The following DPYD variants were observed in gnomAD, a reference collection of about 807,000 sequenced individuals.
The protein encoded by DPYD is dihydropyrimidine dehydrogenase, also known as dihydropyrimidine dehydrogenase [NADP(+)].
DPYD carries 109 observed loss-of-function variants against 116.2 expected under a neutral mutation model. The observed-to-expected ratio is 0.94, with a 90% CI of 0.80 to 1.10. The LOEUF (loss-of-function observed/expected upper bound fraction) is 1.10. Among genes scored for constraint, DPYD ranks in the 50% least tolerant of loss-of-function variants. The pLI, the probability that DPYD is intolerant of heterozygous loss-of-function variation, is 0.00. For missense variants in DPYD, 1,302 were observed against 1,254.5 expected (o/e 1.04, Z -0.57); for synonymous variants, 440 against 432.0 (o/e 1.02, Z -0.23).
chr1:97,702,861 GCAAA>G (rs1661681417), intron 5 of DPYD, among the ~76,000 whole-genome samples: 1 of 151,548 alleles, frequency 6.6e-6, no homozygotes, highest in South Asian at 2.1e-4. Context: ...ATTATGAGAT[GCAAA>G]CATTGAATTA....
intron 14 of DPYD, among the ~76,000 whole-genome samples, chr1:97,392,176 TCA>T (rs1672743156): frequency 6.6e-6 from 1 of 152,010 alleles, no homozygotes; most frequent in African/African-American, 2.4e-5. Context: ...ATAAAGCAAG[TCA>T]CACAAATATT....
At chr1:97,112,927 T>C (rs1297736259) in intron 20 of DPYD, among the ~76,000 whole-genome samples, 1 of 152,148 alleles carries the variant, frequency 6.6e-6, no homozygotes, top group East Asian at 1.9e-4. Context: ...GTTGACTGTT[T>C]TTCTTTCAAT....
intron 16 of DPYD, among the ~76,000 whole-genome samples, chr1:97,354,814 T>C (rs1670341684): frequency 6.6e-6 from 1 of 152,236 alleles, no homozygotes; most frequent in African/African-American, 2.4e-5. Flanking sequence ...CATTCGTTCA[T>C]TCATTAATCT....
intron 19 of DPYD, among the ~76,000 whole-genome samples, chr1:97,196,624 T>C (rs958536410): frequency 3.3e-5 from 5 of 152,174 alleles, no homozygotes; most frequent in African/African-American, 1.2e-4. Flanking sequence ...CTTTTAAATA[T>C]ATTATCTTCT....
intron 20 of DPYD, among the ~76,000 whole-genome samples, chr1:97,172,952 A>C (rs1425172858): frequency 6.6e-6 from 1 of 152,106 alleles, no homozygotes; most frequent in Non-Finnish European, 1.5e-5. Context: ...CTGATGCCCT[A>C]GGTTGAGATG....
chr1:97,257,508 A>G (rs2027055), intron 18 of DPYD, among the ~76,000 whole-genome samples: 21,099 of 149,586 alleles, frequency 0.14, 1,914 homozygotes, highest in East Asian at 0.32. Flanking sequence ...CATATACCAT[A>G]TCTCTATATA....
At chr1:97,817,787 T>C (rs115583341) in intron 3 of DPYD, among the ~76,000 whole-genome samples, 48 of 152,234 alleles carry the variant, frequency 3.2e-4, no homozygotes, top group African/African-American at 1.1e-3. Context: ...TATGATAGTA[T>C]ATACACAACA....
chr1:97,769,531 G>C (rs532628737), intron 3 of DPYD, among the ~76,000 whole-genome samples: 6 of 152,026 alleles, frequency 3.9e-5, no homozygotes, highest in Non-Finnish European at 7.4e-5. Context: ...AAACAGTTTC[G>C]TTTCACTCTA....
intron 1 of DPYD, among the ~76,000 whole-genome samples, chr1:97,914,961 A>G (rs1381091198): frequency 1.3e-5 from 2 of 152,180 alleles, no homozygotes; most frequent in Non-Finnish European, 2.9e-5. Flanking sequence ...TGATTACTAG[A>G]GCAAAAACAA....
chr1:97,121,414 T>TTTTG (rs991057168), intron 20 of DPYD, among the ~76,000 whole-genome samples: 116 of 152,320 alleles, frequency 7.6e-4, no homozygotes, highest in African/African-American at 2.7e-3. Flanking sequence ...AATTTACTTA[T>TTTTG]TTTATTATCT....
chr1:97,369,378 C>A (rs549205362), intron 16 of DPYD, among the ~76,000 whole-genome samples: 159 of 152,230 alleles, frequency 1.0e-3, no homozygotes, highest in Admixed American at 1.4e-3. Flanking sequence ...ATAAAGACAA[C>A]TTTAGAGCCT....
intron 13 of DPYD, among the ~76,000 whole-genome samples, chr1:97,462,678 A>G (rs1346156340): frequency 6.6e-6 from 1 of 152,220 alleles, no homozygotes; most frequent in Non-Finnish European, 1.5e-5. Context: ...ATCACATAAC[A>G]GGCTCTGAAA....
intron 3 of DPYD, among the ~76,000 whole-genome samples, chr1:97,803,094 C>G (rs1667921878): frequency 6.6e-6 from 1 of 151,808 alleles, no homozygotes; most frequent in Non-Finnish European, 1.5e-5. Flanking sequence ...ATATTAAATA[C>G]TGTATAATTA....
At chr1:97,335,879 TCCC>T (rs1669261014) in intron 16 of DPYD, among the ~76,000 whole-genome samples, 1 of 152,114 alleles carries the variant, frequency 6.6e-6, no homozygotes, top group Admixed American at 6.6e-5. Flanking sequence ...TCCCCCTCCA[TCCC>T]AGTGTTTCAA....
At chr1:97,126,620 G>A (rs1174756084) in intron 20 of DPYD, among the ~76,000 whole-genome samples, 1 of 152,104 alleles carries the variant, frequency 6.6e-6, no homozygotes, top group Non-Finnish European at 1.5e-5. Flanking sequence ...TATCACATCT[G>A]AGATTAACTC....
At chr1:97,556,472 A>G (rs1570953516) in intron 11 of DPYD, among the ~76,000 whole-genome samples, 1 of 144,982 alleles carries the variant, frequency 6.9e-6, no homozygotes, top group Admixed American at 6.8e-5. Context: ...GTCATCTAGC[A>G]TTAGGTATAT....
chr1:97,173,347 C>T (rs1456384550), intron 20 of DPYD, among the ~76,000 whole-genome samples: 5 of 149,056 alleles, frequency 3.4e-5, no homozygotes, highest in Non-Finnish European at 7.4e-5. Flanking sequence ...TATATATGCA[C>T]ACATATATGT....
rs1004305806 is a variant in DPYD at position 97,447,846 on chromosome 1, A to AT, written c.1905+2212dup. ...TTGGTAGGAGTTATTTTCCAGGAAA[A>AT]TTTTTTTTTTCAGACACATTAGCTT... On this transcript the variant is annotated intron_variant, in intron 14 of 22. Coordinates refer to ENST00000370192, the MANE Select transcript of DPYD (RefSeq NM_000110.4). Among the ~76,000 whole-genome samples the AT allele has an allele frequency of 3.7e-3, 552 of 150,490 alleles. 7 individuals carry two copies. Among genetic ancestry groups the AT allele is most frequent in the African/African-American group, 0.013 (517 of 41,038 alleles).
intron 13 of DPYD, among the ~76,000 whole-genome samples, chr1:97,469,396 G>GAAAAAAA (rs1557733908): frequency 3.5e-4 from 3 of 8,518 alleles, no homozygotes; most frequent in African/African-American, 1.8e-3. Flanking sequence ...AGCTAAAATT[G>GAAAAAAA]CAAAAAAAAA....
Sources: allele counts gnomAD v4.1 joint callset (sites outside exome capture counted in the v4.1 genomes callset), GRCh38; gene constraint gnomAD v4.1.1; transcripts MANE v1.5; gene names NCBI Gene and HGNC (gene_info 2026-07-23, HGNC 2026-07-21).